Variants in EPB41L2 observed in about 807,000 individuals in gnomAD.
The protein encoded by EPB41L2 is erythrocyte membrane protein band 4.1 like 2, also known as band 4.1-like protein 2.
Under a neutral mutation model 113.0 loss-of-function variants are expected in EPB41L2, and 43 were observed. That is an observed-to-expected ratio of 0.38 (90% CI 0.30 to 0.49). The LOEUF (loss-of-function observed/expected upper bound fraction) is 0.49, where lower values mean the gene tolerates loss of function less well. Ranked by LOEUF, EPB41L2 falls within the 20% of genes least tolerant of loss-of-function variation. The pLI is 0.95. For synonymous variants in EPB41L2, 442 were observed against 436.7 expected (o/e 1.01, Z -0.15); for missense variants, 1,147 against 1,223.4 (o/e 0.94, Z 0.93).
At chr6:130,880,335 G>A in intron 12 of EPB41L2, 129 bp from the exon 13 acceptor site, 1 of 661,548 alleles carries the variant, frequency 1.5e-6, no homozygotes, top group Non-Finnish European at 2.6e-6. Flanking sequence ...CAAATCTTAT[G>A]AACTTAAAGC....
chr6:130,961,742 C>T (rs1773612156), intron 1 of EPB41L2, among the ~76,000 whole-genome samples: 2 of 152,144 alleles, frequency 1.3e-5, no homozygotes, highest in African/African-American at 4.8e-5. Context: ...TGAGTAGCTC[C>T]CATTCTTTGC....
intron 1 of EPB41L2, among the ~76,000 whole-genome samples, chr6:130,975,979 G>C (rs1412739543): frequency 6.6e-6 from 1 of 152,150 alleles, no homozygotes; most frequent in East Asian, 1.9e-4. Flanking sequence ...AGTGAACCAA[G>C]ATTGCACCAT....
rs1370707333 is a variant in EPB41L2 at position 130,901,039 on chromosome 6, G to A, written c.1071C>T (p.Asp357=). 6.2e-7 allele frequency: 1 copy of A among 1,614,118 alleles called. No individual in the cohort carries two copies. The highest frequency in any genetic ancestry group is 8.5e-7 in the Non-Finnish European group (1 of 1,180,006). ...DYDPEEHGSI[D]LSEFQFAPTQ... ...TAGGGGCAAACTGGAATTCACTGAG[G>A]TCGATGCTGCCATGTTCTTCTGGGT... is the stretch of plus-strand genomic sequence containing the variant. Residue 357 remains aspartate (D), a synonymous_variant, in exon 7 of 20, where the codon GAC becomes GAT. Transcript: ENST00000337057.
At chr6:130,909,672 A>G (rs1250429184) in intron 4 of EPB41L2, among the ~76,000 whole-genome samples, 2 of 152,242 alleles carry the variant, frequency 1.3e-5, no homozygotes, top group Non-Finnish European at 2.9e-5. Context: ...TAAGCTGATA[A>G]GCAACTTCAG....
At chr6:130,841,042 A>G (rs1364486272) in intron 19 of EPB41L2, among the ~76,000 whole-genome samples, 2 of 152,146 alleles carry the variant, frequency 1.3e-5, no homozygotes, top group African/African-American at 4.8e-5. Context: ...AGAAGTACAC[A>G]GTATTATGAC....
At chr6:130,918,283 C>T (rs532717340) in intron 4 of EPB41L2, among the ~76,000 whole-genome samples, 5 of 152,168 alleles carry the variant, frequency 3.3e-5, no homozygotes, top group Admixed American at 6.5e-5. Context: ...TAAAGTTAGC[C>T]GTGAATATCA....
At chr6:130,962,982 T>C (rs1429308635) in intron 1 of EPB41L2, among the ~76,000 whole-genome samples, 1 of 152,206 alleles carries the variant, frequency 6.6e-6, no homozygotes, top group Non-Finnish European at 1.5e-5. Context: ...CTGCTGTCTC[T>C]GAACATTGTA....
rs75368392 is a variant in EPB41L2 at position 130,987,468 on chromosome 6, G to A, written c.-14-30969C>T. ...AGCCCTTTGGGAGGCCAAGACAGGTGGATCACTTGATTGCTGGAGTTCAAG... is the reference window on the plus strand; with the variant it reads ...AGCCCTTTGGGAGGCCAAGACAGGTAGATCACTTGATTGCTGGAGTTCAAG... On this transcript the variant is annotated intron_variant, in intron 1 of 19. Transcript: ENST00000337057. Among the ~76,000 whole-genome samples, 1,304 of 152,224 alleles carry A rather than the reference G, an allele frequency of 8.6e-3. 10 individuals are homozygous for A. Among genetic ancestry groups the A allele is most frequent in the South Asian group, 0.021 (102 of 4,822 alleles).
chr6:130,936,312 C>T (rs1449110061), intron 3 of EPB41L2, among the ~76,000 whole-genome samples: 3 of 152,172 alleles, frequency 2.0e-5, no homozygotes, highest in Non-Finnish European at 4.4e-5. Flanking sequence ...AATAAGTTCA[C>T]CTTTGACATT....
intron 12 of EPB41L2, 75 bp from the exon 13 acceptor site, chr6:130,880,281 AC>A: frequency 9.6e-7 from 1 of 1,038,626 alleles, no homozygotes; most frequent in Non-Finnish European, 1.5e-6. Context: ...CACCAAAATG[AC>A]CCAGAGTTCG....
rs1785036976 is a variant in EPB41L2 at position 130,869,777 on chromosome 6, C to T, written c.2393G>A (p.Ser798Asn). Residue 798 changes from serine to asparagine, a missense_variant, in exon 15 of 20, where the codon AGC becomes AAC. Physicochemically the swap from Ser to Asn is conservative, Grantham distance 46. Transcript: ENST00000337057. ...ACTGGCACCTGCTTGTGTGACTGGG[C>T]TGGCTTCGGGCACTGCTTCCTCCCT... ...VEREEAVPEA[S>N]PVTQAGASVI... 1 of 1,614,066 alleles carries T rather than the reference C, an allele frequency of 6.2e-7. No homozygotes were observed. Among genetic ancestry groups the T allele is most frequent in the East Asian group, 2.2e-5 (1 of 44,876 alleles).
intron 1 of EPB41L2, among the ~76,000 whole-genome samples, chr6:130,966,517 G>A (rs1412788101): frequency 3.9e-5 from 2 of 50,794 alleles, no homozygotes; most frequent in Non-Finnish European, 6.3e-5. Context: ...ATGTGAATAT[G>A]CACACATACA....
At chr6:130,859,857 G>A (rs1454282476) in intron 18 of EPB41L2, among the ~76,000 whole-genome samples, 2 of 152,142 alleles carry the variant, frequency 1.3e-5, no homozygotes, top group East Asian at 3.9e-4. Context: ...ACTCTTGTGA[G>A]TGACCTGTGT....
intron 1 of EPB41L2, among the ~76,000 whole-genome samples, chr6:130,998,931 T>C (rs1355416706): frequency 6.6e-6 from 1 of 152,124 alleles, no homozygotes; most frequent in Non-Finnish European, 1.5e-5. Context: ...AATAGAGTCC[T>C]CCACACTCTG....
intron 17 of EPB41L2, among the ~76,000 whole-genome samples, chr6:130,864,518 G>C (rs1231305433): frequency 6.6e-6 from 1 of 152,212 alleles, no homozygotes; most frequent in Non-Finnish European, 1.5e-5. Flanking sequence ...AGCTGCGAGT[G>C]CCTGGGGCAC....
intron 1 of EPB41L2, among the ~76,000 whole-genome samples, chr6:130,993,278 T>C (rs1262900418): frequency 1.3e-5 from 2 of 152,146 alleles, no homozygotes; most frequent in Non-Finnish European, 1.5e-5. Context: ...TGACATCTAG[T>C]GGCTATAGAT....
chr6:130,952,024 A>G (rs193001429), intron 3 of EPB41L2, among the ~76,000 whole-genome samples: 8 of 152,276 alleles, frequency 5.3e-5, no homozygotes, highest in Middle Eastern at 6.8e-3. Flanking sequence ...AGATTTGCAG[A>G]TTTTTTGGCT....
At chr6:130,965,717 T>A (rs1228938960) in intron 1 of EPB41L2, among the ~76,000 whole-genome samples, 1 of 150,936 alleles carries the variant, frequency 6.6e-6, no homozygotes, top group African/African-American at 2.4e-5. Context: ...TGTCACACTC[T>A]TAGTAAAAGA....
intron 14 of EPB41L2, chr6:130,870,475 G>A (rs1562347993): frequency 7.6e-7 from 1 of 1,312,644 alleles, no homozygotes. Flanking sequence ...AGACAAAACA[G>A]CAAGAATCAA....
Sources: gnomAD v4.1 joint callset for allele counts (sites outside exome capture counted in the v4.1 genomes callset) on GRCh38, gnomAD v4.1.1 for gene constraint, MANE v1.5 for transcripts, NCBI Gene and HGNC (gene_info 2026-07-23, HGNC 2026-07-21) for gene names.